NCK2: variants seen among roughly 807,000 people sequenced by gnomAD.
NCK2 encodes the protein NCK adaptor protein 2, also known as cytoplasmic protein NCK2.
In NCK2, 16 loss-of-function variants were observed where a neutral mutation model predicts 33.9. The ratio of observed to expected loss-of-function variants is 0.47; its 90% CI spans 0.32 to 0.72. NCK2 has a LOEUF of 0.72. Ranked by LOEUF, NCK2 falls within the 30% of genes least tolerant of loss-of-function variation. The pLI is 0.03. For synonymous variants in NCK2, 273 were observed against 239.9 expected (o/e 1.14, Z -1.27); for missense variants, 418 against 537.3 (o/e 0.78, Z 2.19).
chr2:105,803,851 G>A (rs1303692350), intron 1 of NCK2, among the ~76,000 whole-genome samples: 6 of 152,166 alleles, frequency 3.9e-5, no homozygotes, highest in East Asian at 1.9e-4. Flanking sequence ...GGTAGGGTCC[G>A]TTTGGAATGA....
At chr2:105,790,069 A>G (rs890549161) in intron 1 of NCK2, among the ~76,000 whole-genome samples, 1 of 152,214 alleles carries the variant, frequency 6.6e-6, no homozygotes, top group Admixed American at 6.5e-5. Context: ...TATTGCTTCT[A>G]CTTTGTGGAA....
chr2:105,841,348 T>C (rs1348336042), intron 2 of NCK2, among the ~76,000 whole-genome samples: 1 of 152,222 alleles, frequency 6.6e-6, no homozygotes, highest in Non-Finnish European at 1.5e-5. Flanking sequence ...AATAAACTTC[T>C]GTGATTGAAT....
intron 2 of NCK2, among the ~76,000 whole-genome samples, chr2:105,824,621 C>T (rs1230318272): frequency 1.3e-5 from 2 of 152,236 alleles, no homozygotes; most frequent in East Asian, 1.9e-4. Context: ...TTAAGTACCA[C>T]GTCTCGGCGG....
At chr2:105,878,545 A>T (rs1199453633) in intron 3 of NCK2, among the ~76,000 whole-genome samples, 1 of 152,190 alleles carries the variant, frequency 6.6e-6, no homozygotes, top group East Asian at 1.9e-4. Flanking sequence ...CCTTGCAAGG[A>T]ACCAACCCTG....
At chr2:105,831,233 C>A (rs1303049853) in intron 2 of NCK2, among the ~76,000 whole-genome samples, 1 of 152,090 alleles carries the variant, frequency 6.6e-6, no homozygotes, top group Non-Finnish European at 1.5e-5. Flanking sequence ...TCAGTGCAAT[C>A]CCTATCAAAA....
chr2:105,806,272 C>G (rs987603574), intron 1 of NCK2, among the ~76,000 whole-genome samples: 4 of 138,920 alleles, frequency 2.9e-5, no homozygotes, highest in Admixed American at 2.2e-4. Flanking sequence ...GAGTCTCACT[C>G]TGTCGCCCAG....
chr2:105,841,490 G>A (rs369678676), intron 2 of NCK2, among the ~76,000 whole-genome samples: 25 of 152,272 alleles, frequency 1.6e-4, no homozygotes, highest in African/African-American at 4.1e-4. Flanking sequence ...GAACCTCCCC[G>A]TGTTCAGATA....
chr2:105,892,267 T>A (rs573456982), intron 4 of NCK2, among the ~76,000 whole-genome samples: 2 of 152,202 alleles, frequency 1.3e-5, no homozygotes, highest in Non-Finnish European at 2.9e-5. Flanking sequence ...TTCTAGCTAC[T>A]GCCTGCATGC....
chr2:105,823,344 G>T (rs1444252869), intron 2 of NCK2, among the ~76,000 whole-genome samples: 1 of 151,908 alleles, frequency 6.6e-6, no homozygotes, highest in Non-Finnish European at 1.5e-5. Context: ...TCTGGTGGAG[G>T]GTGTGGGAGG....
chr2:105,825,070 G>A (rs567326798), intron 2 of NCK2, among the ~76,000 whole-genome samples: 7 of 152,298 alleles, frequency 4.6e-5, no homozygotes, highest in African/African-American at 1.7e-4. Context: ...TGGGGACGGA[G>A]TGGAGGTAGA....
chr2:105,789,076 C>T (rs932591020), intron 1 of NCK2, among the ~76,000 whole-genome samples: 11 of 152,176 alleles, frequency 7.2e-5, no homozygotes, highest in Non-Finnish European at 1.6e-4. Flanking sequence ...AGGGTTCCAG[C>T]GCCCAAGTGA....
intron 1 of NCK2, among the ~76,000 whole-genome samples, chr2:105,784,526 C>T (rs1192789282): frequency 6.6e-6 from 1 of 152,204 alleles, no homozygotes; most frequent in Non-Finnish European, 1.5e-5. Flanking sequence ...TGTGGAGCCT[C>T]GCTTGTGGAG....
chr2:105,831,179 T>C (rs1676170861), intron 2 of NCK2, among the ~76,000 whole-genome samples: 2 of 152,196 alleles, frequency 1.3e-5, no homozygotes, highest in Non-Finnish European at 2.9e-5. Flanking sequence ...AGAAGAATTA[T>C]AATATTGTTA....
intron 4 of NCK2, among the ~76,000 whole-genome samples, chr2:105,888,519 T>C (rs550296748): frequency 6.6e-6 from 1 of 152,244 alleles, no homozygotes; most frequent in Non-Finnish European, 1.5e-5. Context: ...AGTTAGGTTT[T>C]AGTCCAATCA....
At position 105,881,765 on chromosome 2, in the gene NCK2, A is replaced by G; in HGVS notation, c.664A>G (p.Met222Val). 1 of 1,614,174 alleles carries G rather than the reference A, an allele frequency of 6.2e-7. No individual in the cohort carries two copies. Among genetic ancestry groups the G allele is most frequent in the Non-Finnish European group, 8.5e-7 (1 of 1,179,998 alleles). ...GCTCAACTTCGAGAAGGGGGAGACC[A>G]TGGAGGTGATTGAGAAGCCGGAGAA... Reference protein sequence around the residue: ...EELNFEKGETMEVIEKPENDP... With the variant: ...EELNFEKGETVEVIEKPENDP... The change falls in exon 4 of 5, where the codon ATG (methionine) becomes GTG (valine). Residue 222 changes from methionine (M) to valine (V), a missense_variant. Physicochemically the swap from Met to Val is conservative, Grantham distance 21. Transcript: ENST00000233154.
intron 3 of NCK2, among the ~76,000 whole-genome samples, chr2:105,872,032 T>A (rs1371621850): frequency 6.6e-6 from 1 of 152,208 alleles, no homozygotes; most frequent in Non-Finnish European, 1.5e-5. Flanking sequence ...TTTTTCTCCA[T>A]GGTGGTCAGG....
At chr2:105,756,139 T>C (rs1689593217) in intron 1 of NCK2, among the ~76,000 whole-genome samples, 1 of 152,222 alleles carries the variant, frequency 6.6e-6, no homozygotes. Context: ...AGCCTAGAGA[T>C]GAAGAGAGCT....
At chr2:105,884,231 G>A (rs200548114) in intron 4 of NCK2, among the ~76,000 whole-genome samples, 7 of 106,938 alleles carry the variant, frequency 6.5e-5, no homozygotes. Flanking sequence ...TCCTTTGCTT[G>A]TTTTTTTCCC....
intron 3 of NCK2, among the ~76,000 whole-genome samples, chr2:105,878,596 G>A (rs1204885707): frequency 6.6e-6 from 1 of 152,164 alleles, no homozygotes; most frequent in Admixed American, 6.5e-5. Context: ...AGAATTGTGA[G>A]GAAATAAATG....
Sources: gnomAD v4.1 joint callset for allele counts (sites outside exome capture counted in the v4.1 genomes callset) on GRCh38, gnomAD v4.1.1 for gene constraint, MANE v1.5 for transcripts, NCBI Gene and HGNC (gene_info 2026-07-23, HGNC 2026-07-21) for gene names.